The following AFF1 variants were observed in gnomAD, a reference collection of about 807,000 sequenced individuals.
AFF1 encodes the protein ALF transcription elongation factor 1.
Under a neutral mutation model 121.7 loss-of-function variants are expected in AFF1, and 48 were observed. That is an observed-to-expected ratio of 0.39 (90% CI 0.31 to 0.50). The LOEUF is 0.50. AFF1 is among the 20% of genes least tolerant of loss of function. AFF1 has a pLI of 0.76. For missense variants in AFF1, 1,523 were observed against 1,511.7 expected, an observed-to-expected ratio of 1.01 and a Z score of -0.12; for synonymous variants, 613 against 563.0, an observed-to-expected ratio of 1.09 and a Z score of -1.26.
intron 2 of AFF1, among the ~76,000 whole-genome samples, chr4:87,037,475 C>T (rs1729682884): frequency 6.6e-6 from 1 of 152,092 alleles, no homozygotes; most frequent in Non-Finnish European, 1.5e-5. Flanking sequence ...CCACACCCGG[C>T]CAATGTTTTG....
chr4:86,985,963 G>A lies in AFF1; in HGVS notation c.38+37392G>A, dbSNP rs1724225856. ...GATAATACTGTTAGGTAAAGAGCTGGTGAGAAACTTTGTAATGGGATGTCT... is the reference window on the plus strand; with the variant it reads ...GATAATACTGTTAGGTAAAGAGCTGATGAGAAACTTTGTAATGGGATGTCT... On this transcript the variant is annotated intron_variant, in intron 2 of 20. Transcript: ENST00000395146. Among the ~76,000 whole-genome samples, 3 of 151,916 alleles carry A rather than the reference G, an allele frequency of 2.0e-5. 1 individual carries two copies. The East Asian group carries it at 5.8e-4, about 29-fold the overall frequency.
At chr4:87,063,315 C>A (rs1464052726) in intron 4 of AFF1, among the ~76,000 whole-genome samples, 2 of 130,552 alleles carry the variant, frequency 1.5e-5, no homozygotes, top group Admixed American at 1.9e-4. Context: ...TCTTGGCTCA[C>A]TGCAACCTCC....
At chr4:87,123,578 G>A (rs569818712) in intron 12 of AFF1, among the ~76,000 whole-genome samples, 1 of 152,302 alleles carries the variant, frequency 6.6e-6, no homozygotes, top group East Asian at 1.9e-4. Flanking sequence ...ACAAGACACT[G>A]CATAAATGAA....
intron 2 of AFF1, among the ~76,000 whole-genome samples, chr4:86,987,731 T>C (rs1487862590): frequency 6.6e-6 from 1 of 152,138 alleles, no homozygotes; most frequent in African/African-American, 2.4e-5. Context: ...GGCGGGTGGA[T>C]TACTTGAGGC....
intron 10 of AFF1, 32 bp downstream of exon 10, chr4:87,105,877 A>G: frequency 1.2e-6 from 2 of 1,610,790 alleles, no homozygotes; most frequent in Non-Finnish European, 1.7e-6. Flanking sequence ...ATCTGTACAG[A>G]ATGTTTGCAA....
intron 1 of AFF1, among the ~76,000 whole-genome samples, chr4:86,944,887 C>T (rs564397874): frequency 1.3e-5 from 2 of 152,238 alleles, no homozygotes; most frequent in Admixed American, 6.5e-5. Flanking sequence ...TATGTGTATA[C>T]ACACTCTTGA....
intron 2 of AFF1, among the ~76,000 whole-genome samples, chr4:86,997,589 C>G (rs1425962114): frequency 1.3e-5 from 2 of 150,272 alleles, no homozygotes; most frequent in African/African-American, 4.9e-5. Flanking sequence ...GGTGAAACCC[C>G]ATCTCTACTA....
intron 4 of AFF1, among the ~76,000 whole-genome samples, chr4:87,073,079 AG>A: frequency 6.6e-6 from 1 of 151,874 alleles, no homozygotes; most frequent in Non-Finnish European, 1.5e-5. Flanking sequence ...AAAAAAAAAA[AG>A]ACCAAATCTG....
intron 2 of AFF1, among the ~76,000 whole-genome samples, chr4:86,976,346 A>G (rs766869289): frequency 2.7e-4 from 41 of 152,188 alleles, no homozygotes; most frequent in Non-Finnish European, 5.6e-4. Flanking sequence ...GGCGCTCCGC[A>G]TTATGGAATC....
intron 4 of AFF1, chr4:87,049,853 T>G: frequency 7.3e-6 from 3 of 410,584 alleles, no homozygotes; most frequent in Admixed American, 2.8e-5. Context: ...GAGCATGGAA[T>G]GAAGGAGTCG....
intron 6 of AFF1, among the ~76,000 whole-genome samples, chr4:87,091,541 T>C (rs1454588015): frequency 6.6e-6 from 1 of 152,196 alleles, no homozygotes; most frequent in Non-Finnish European, 1.5e-5. Context: ...CAATGAAAGC[T>C]AAAATTAGGT....
intron 2 of AFF1, among the ~76,000 whole-genome samples, chr4:87,018,272 G>C (rs900424495): frequency 1.3e-5 from 2 of 152,230 alleles, no homozygotes; most frequent in Non-Finnish European, 2.9e-5. Context: ...GGAGCTCATA[G>C]TTTGGTGGGA....
Position 87,108,228 on chromosome 4 carries a change from TGACTCAGACAGTTCCTCA to T in AFF1, c.1455_1472del (p.Asp485_Ser490del). 6.2e-7 allele frequency: 1 copy of T among 1,614,138 alleles called. No homozygotes were observed. The highest frequency in any genetic ancestry group is 8.5e-7 in the Non-Finnish European group (1 of 1,180,006). ...GCAGTGCAGAGTCAGAAAGCACCAG[TGACTCAGACAGTTCCTCA>T]GACTCAGAGAGCGAGAGCAGTTCAA... is the stretch of plus-strand genomic sequence containing the variant. On this transcript the variant is annotated inframe_deletion, in exon 11 of 21. Transcript: ENST00000395146.
chr4:86,988,987 C>G (rs533898967), intron 2 of AFF1, among the ~76,000 whole-genome samples: 1 of 152,184 alleles, frequency 6.6e-6, no homozygotes, highest in South Asian at 2.1e-4. Context: ...TAGCCATATG[C>G]AGAATACTGA....
chr4:87,053,705 G>C (rs1731485924), intron 4 of AFF1, among the ~76,000 whole-genome samples: 1 of 152,182 alleles, frequency 6.6e-6, no homozygotes, highest in Non-Finnish European at 1.5e-5. Context: ...TGCTGGGGAT[G>C]AGAGGTTAAA....
chr4:87,032,368 C>T (rs946347152), intron 2 of AFF1, among the ~76,000 whole-genome samples: 2 of 152,164 alleles, frequency 1.3e-5, no homozygotes, highest in African/African-American at 2.4e-5. Context: ...GTTTTTATGA[C>T]ATTAAGCTTT....
intron 8 of AFF1, among the ~76,000 whole-genome samples, chr4:87,101,808 T>TA (rs1276972856): frequency 6.6e-6 from 1 of 152,246 alleles, no homozygotes; most frequent in Non-Finnish European, 1.5e-5. Context: ...TTTAAGTAAC[T>TA]ACTATGAGCA....
chr4:87,050,262 C>G (rs1731142659), intron 4 of AFF1, among the ~76,000 whole-genome samples: 1 of 151,956 alleles, frequency 6.6e-6, no homozygotes, highest in African/African-American at 2.4e-5. Context: ...AGTGATTTTC[C>G]TTTATTTGCT....
intron 8 of AFF1, among the ~76,000 whole-genome samples, chr4:87,098,489 A>G (rs935931662): frequency 3.3e-5 from 5 of 152,222 alleles, no homozygotes; most frequent in African/African-American, 9.6e-5. Context: ...CCTTCATATA[A>G]TTGTGGACAA....
Sources: allele counts gnomAD v4.1 joint callset (sites outside exome capture counted in the v4.1 genomes callset), GRCh38; gene constraint gnomAD v4.1.1; transcripts MANE v1.5; gene names NCBI Gene and HGNC (gene_info 2026-07-23, HGNC 2026-07-21).